Variants in IMMP2L observed in about 807,000 individuals in gnomAD.
The protein encoded by IMMP2L is inner mitochondrial membrane peptidase subunit 2.
A neutral mutation model predicts 19.3 loss-of-function variants in IMMP2L; 18 were observed. The observed-to-expected ratio is 0.93, with a 90% confidence interval of 0.64 to 1.38. The LOEUF is 1.38. IMMP2L is among the 40% of genes most tolerant of loss of function. IMMP2L has a pLI of 0.00. For missense variants in IMMP2L, 233 were observed against 218.2 expected (o/e 1.07, Z -0.43); for synonymous variants, 76 against 73.0 (o/e 1.04, Z -0.21).
chr7:111,148,103 C>T (rs1333551072), intron 3 of IMMP2L, among the ~76,000 whole-genome samples: 1 of 151,988 alleles, frequency 6.6e-6, no homozygotes, highest in Non-Finnish European at 1.5e-5. Flanking sequence ...ATAGAAGCAG[C>T]CCAAGTTTTC....
intron 4 of IMMP2L, among the ~76,000 whole-genome samples, chr7:110,930,626 A>G (rs1018801722): frequency 6.6e-6 from 1 of 152,218 alleles, no homozygotes; most frequent in African/African-American, 2.4e-5. Context: ...ACTATAACAT[A>G]AAACCCAAAC....
chr7:111,322,396 T>A (rs1206624953), intron 3 of IMMP2L, among the ~76,000 whole-genome samples: 1 of 151,876 alleles, frequency 6.6e-6, no homozygotes, highest in Non-Finnish European at 1.5e-5. Flanking sequence ...AACACAAGCA[T>A]AATATCAGCA....
chr7:111,146,146 A>C (rs1331569176), intron 3 of IMMP2L, among the ~76,000 whole-genome samples: 1 of 151,948 alleles, frequency 6.6e-6, no homozygotes, highest in African/African-American at 2.4e-5. Flanking sequence ...AGGGAACTAC[A>C]AATGCTAATT....
At chr7:111,231,906 C>A (rs898222454) in intron 3 of IMMP2L, among the ~76,000 whole-genome samples, 1 of 151,818 alleles carries the variant, frequency 6.6e-6, no homozygotes, top group Non-Finnish European at 1.5e-5. Flanking sequence ...AAATCACCGC[C>A]AAATTTCAGT....
chr7:111,109,787 G>T (rs991159926), intron 3 of IMMP2L, among the ~76,000 whole-genome samples: 9 of 152,102 alleles, frequency 5.9e-5, no homozygotes, highest in Non-Finnish European at 1.2e-4. Flanking sequence ...TGTTTTCATT[G>T]TTTGTTGCTA....
chr7:111,212,052 A>G (rs887836421), intron 3 of IMMP2L, among the ~76,000 whole-genome samples: 7 of 152,090 alleles, frequency 4.6e-5, no homozygotes, highest in Non-Finnish European at 8.8e-5. Context: ...CTCTTTCTAT[A>G]CTATAAACGA....
intron 3 of IMMP2L, among the ~76,000 whole-genome samples, chr7:111,343,509 C>G (rs1827230833): frequency 6.6e-6 from 1 of 152,064 alleles, no homozygotes. Flanking sequence ...AGAATCCTTT[C>G]CTGGCTCCCG....
intron 4 of IMMP2L, among the ~76,000 whole-genome samples, chr7:110,905,107 T>C (rs1035105427): frequency 6.6e-5 from 10 of 152,278 alleles, no homozygotes; most frequent in Middle Eastern, 3.4e-3. Flanking sequence ...TGCCTTGCAG[T>C]AGTGTATCTA....
At chr7:111,421,505 C>G (rs946404223) in intron 3 of IMMP2L, among the ~76,000 whole-genome samples, 1 of 150,750 alleles carries the variant, frequency 6.6e-6, no homozygotes, top group Non-Finnish European at 1.5e-5. Flanking sequence ...ATCTCCTGAC[C>G]TTGATCCACC....
chr7:110,834,802 T>C (rs1804288283), intron 5 of IMMP2L, among the ~76,000 whole-genome samples: 1 of 152,138 alleles, frequency 6.6e-6, no homozygotes, highest in Non-Finnish European at 1.5e-5. Flanking sequence ...ACTGAAAGAA[T>C]TGGAAGAAGA....
intron 4 of IMMP2L, among the ~76,000 whole-genome samples, chr7:110,903,432 T>G (rs1226160097): frequency 2.0e-5 from 3 of 152,190 alleles, no homozygotes; most frequent in Non-Finnish European, 4.4e-5. Context: ...TGTAAACTCC[T>G]GGCAACCACC....
At chr7:111,445,940 G>A (rs1056282176) in intron 3 of IMMP2L, among the ~76,000 whole-genome samples, 2 of 152,178 alleles carry the variant, frequency 1.3e-5, no homozygotes. Context: ...CAAAGAAAGG[G>A]GTGATGGACG....
At chr7:111,524,716 A>C (rs764882108) in intron 1 of IMMP2L, among the ~76,000 whole-genome samples, 11 of 152,154 alleles carry the variant, frequency 7.2e-5, no homozygotes, top group Non-Finnish European at 1.2e-4. Context: ...TATCACCCTG[A>C]ATGTCTCCTC....
intron 3 of IMMP2L, among the ~76,000 whole-genome samples, chr7:110,990,910 C>G (rs930781672): frequency 6.6e-6 from 1 of 152,136 alleles, no homozygotes; most frequent in African/African-American, 2.4e-5. Context: ...AAGAATAAAC[C>G]TCATATTCAT....
intron 5 of IMMP2L, among the ~76,000 whole-genome samples, chr7:110,829,953 T>C (rs1803818390): frequency 6.6e-6 from 1 of 152,068 alleles, no homozygotes; most frequent in Non-Finnish European, 1.5e-5. Flanking sequence ...AGAGAAAGGA[T>C]ATTATGCATT....
chr7:111,057,076 A>G (rs947180985), intron 3 of IMMP2L, among the ~76,000 whole-genome samples: 9 of 152,196 alleles, frequency 5.9e-5, no homozygotes, highest in African/African-American at 2.2e-4. Context: ...CAAATTGTTA[A>G]TAAAATTCTT....
Position 111,378,800 on chromosome 7 carries a change from T to A in IMMP2L, c.239+108438A>T, listed in dbSNP as rs117564619. On this transcript the variant is annotated intron_variant, in intron 3 of 5. Transcript: ENST00000405709. ...TCTTGTTACATGATAAGTTGCAGTA[T>A]CAATTTCTTCAGCTCTATCATGAAG... Among the ~76,000 whole-genome samples the A allele has an allele frequency of 2.4e-4, 37 of 152,012 alleles. 1 individual carries two copies. In the East Asian group the frequency reaches 5.8e-3, roughly 24 times the overall value.
chr7:111,072,553 A>T (rs1278967595), intron 3 of IMMP2L, among the ~76,000 whole-genome samples: 1 of 152,248 alleles, frequency 6.6e-6, no homozygotes, highest in East Asian at 1.9e-4. Context: ...AACTCAAAAA[A>T]AAAAAAGTCA....
intron 3 of IMMP2L, among the ~76,000 whole-genome samples, chr7:111,423,199 G>A (rs1475098866): frequency 6.6e-6 from 1 of 151,812 alleles, no homozygotes; most frequent in Non-Finnish European, 1.5e-5. Flanking sequence ...GTCTCTGCCA[G>A]GCTTTGGTAT....
Sources: gnomAD v4.1 joint callset for allele counts (sites outside exome capture counted in the v4.1 genomes callset) on GRCh38, gnomAD v4.1.1 for gene constraint, MANE v1.5 for transcripts, NCBI Gene and HGNC (gene_info 2026-07-23, HGNC 2026-07-21) for gene names.